Variants in PICK1 observed in about 807,000 individuals in gnomAD.
PICK1 encodes protein interacting with PRKCA 1.
PICK1 carries 23 observed loss-of-function variants against 48.9 expected under a neutral mutation model. That is an observed-to-expected ratio of 0.47 (90% CI 0.34 to 0.67). The LOEUF (loss-of-function observed/expected upper bound fraction) is 0.67, where lower values mean the gene tolerates loss of function less well. PICK1 is among the 30% of genes least tolerant of loss of function. The pLI, the probability that PICK1 is intolerant of heterozygous loss-of-function variation, is 0.01. For missense variants in PICK1, 423 were observed against 557.1 expected, an observed-to-expected ratio of 0.76 and a Z score of 2.42; for synonymous variants, 217 against 228.2, an observed-to-expected ratio of 0.95 and a Z score of 0.44.
chr22:38,073,236 G>T lies in PICK1; in HGVS notation c.783+144G>T. The T allele has an allele frequency of 1.4e-6, 1 of 710,674 alleles. No homozygotes were observed. Among genetic ancestry groups the T allele is most frequent in the Non-Finnish European group, 2.6e-6 (1 of 388,178 alleles). The allele number at this position is 710,674 out of a possible 1,614,324, so 44.0% of individuals were successfully genotyped here. A position where few individuals can be genotyped will look rare whatever the true frequency, so the allele number is the denominator to read the frequency against. ...AGGTGTGGGCCCAGAGGCCCAGGGA[G>T]GTGCAGCCAAAGCCCTGCTGCGCCT... On this transcript the variant is annotated intron_variant, in intron 10 of 12. Coordinates refer to ENST00000356976, the MANE Select transcript of PICK1 (RefSeq NM_012407.4). This position sits in a 1 kb window ranked among gnomAD's most constrained non-coding sequence, Gnocchi z 5.7.
chr22:38,066,850 T>C lies in PICK1; in HGVS notation c.283-854T>C, dbSNP rs2085536731. Among the ~76,000 whole-genome samples, 1 of 152,252 alleles carries C rather than the reference T, an allele frequency of 6.6e-6. No individual in the cohort carries two copies. Among genetic ancestry groups the C allele is most frequent in the South Asian group, 2.1e-4 (1 of 4,838 alleles). On this transcript the variant is annotated intron_variant, in intron 4 of 12. Coordinates refer to ENST00000356976, the MANE Select transcript of PICK1 (RefSeq NM_012407.4). This position sits in a 1 kb window ranked among gnomAD's most constrained non-coding sequence, Gnocchi z 4.1. Reference sequence around the variant, plus strand: ...CGCCCTCCCGTGCTCAGGCAAGTCCTCTTGGGAGAAGCCTTTGTCTCCTGA... The same window carrying C: ...CGCCCTCCCGTGCTCAGGCAAGTCCCCTTGGGAGAAGCCTTTGTCTCCTGA...
At chr22:38,071,294 A>G (rs745458094) in intron 7 of PICK1, among the ~76,000 whole-genome samples, 14 of 152,220 alleles carry the variant, frequency 9.2e-5, no homozygotes, top group Non-Finnish European at 2.1e-4. Context: ...CAGTGAGCCA[A>G]GATCACACCA....
At chr22:38,070,782 G>A (rs780232381) in intron 6 of PICK1, 56 bp from the exon 7 acceptor site, 21 of 1,502,090 alleles carry the variant, frequency 1.4e-5, no homozygotes, top group Non-Finnish European at 1.8e-5. Context: ...CATGGCCCTG[G>A]GCCTCCTGTG....
rs549796162 is a variant in PICK1 at position 38,075,367 on chromosome 22, C to G, written c.*235C>G. ...CACCCTCCCTCCCCTCCCGGCTCCC[C>G]GGCCAGAGGGAGAGCTTGGTCTCTG... On this transcript the variant is annotated 3_prime_UTR_variant, in exon 13 of 13. Coordinates refer to ENST00000356976, the MANE Select transcript of PICK1 (RefSeq NM_012407.4). 1 of 534,322 alleles carries G rather than the reference C, an allele frequency of 1.9e-6. No individual in the cohort carries two copies. Among genetic ancestry groups the G allele is most frequent in the African/African-American group, 1.9e-5 (1 of 52,564 alleles). The allele number at this position is 534,322 out of a possible 1,614,324, so 33.1% of individuals were successfully genotyped here. A position where few individuals can be genotyped will look rare whatever the true frequency, so the allele number is the denominator to read the frequency against.
chr22:38,074,002 C>T lies in PICK1; in HGVS notation c.834+179C>T, dbSNP rs767657271. On this transcript the variant is annotated intron_variant, in intron 11 of 12. Transcript: ENST00000356976. This position sits in a 1 kb window ranked among gnomAD's most constrained non-coding sequence, Gnocchi z 4.5. ...GGCCTCGGGGTGCTGGGCACCCGGC[C>T]GGGAACCACTCCCTCAGTCTGGGGG... 11 of 675,946 alleles carry T rather than the reference C, an allele frequency of 1.6e-5. No individual in the cohort carries two copies. The highest frequency in any genetic ancestry group is 2.6e-5 in the Non-Finnish European group (10 of 388,108). The allele number at this position is 675,946 out of a possible 1,614,324, so 41.9% of individuals were successfully genotyped here.
intron 3 of PICK1, among the ~76,000 whole-genome samples, chr22:38,063,446 T>C (rs1049387940): frequency 6.6e-6 from 1 of 152,104 alleles, no homozygotes; most frequent in Non-Finnish European, 1.5e-5. Flanking sequence ...TGGTCTATTT[T>C]TGAATTAGGT....
chr22:38,067,307 CTTTTT>C (rs33993578), intron 4 of PICK1, among the ~76,000 whole-genome samples: 1 of 110,676 alleles, frequency 9.0e-6, no homozygotes, highest in Non-Finnish European at 1.8e-5. Flanking sequence ...GCTTAGGATT[CTTTTT>C]TTTTTTTTTT....
At position 38,057,436 on chromosome 22, in the gene PICK1, G is replaced by C; in HGVS notation, c.-209G>C. Reference sequence around the variant, plus strand: ...GCGGCCACCGCCAGGTGGAACGGCAGGTGGGTTCAGGTACCAGCCTGGCCG... The same window carrying C: ...GCGGCCACCGCCAGGTGGAACGGCACGTGGGTTCAGGTACCAGCCTGGCCG... On this transcript the variant is annotated 5_prime_UTR_variant, in exon 1 of 13. Transcript: ENST00000356976. 3.7e-6 allele frequency: 1 copy of C among 273,508 alleles called. No individual in the cohort carries two copies. The highest frequency in any genetic ancestry group is 7.0e-6 in the Non-Finnish European group (1 of 142,344). 16.9% of individuals were successfully genotyped at this position (273,508 alleles called of 1,614,324 possible). A position where few individuals can be genotyped will look rare whatever the true frequency, so the allele number is the denominator to read the frequency against.
In PICK1 at chr22:38,064,864, C is replaced by G. The variant is rs554351221; in HGVS notation, c.154-138C>G. ...GTGATCACGCCACTGCACTCCAGCC[C>G]GGGTGGTGAGACGCTTTCTCAAAAA... On this transcript the variant is annotated intron_variant, in intron 3 of 12. Transcript: ENST00000356976. The G allele has an allele frequency of 1.0e-5, 10 of 964,236 alleles. No homozygotes were observed. The South Asian group carries it at 1.2e-4, about 11-fold the overall frequency. The allele number at this position is 964,236 out of a possible 1,614,324, so 59.7% of individuals were successfully genotyped here. A position where few individuals can be genotyped will look rare whatever the true frequency, so the allele number is the denominator to read the frequency against.
upstream of PICK1, chr22:38,057,331 T>C (rs2085292882): frequency 5.2e-6 from 1 of 190,524 alleles, no homozygotes; most frequent in African/African-American, 2.3e-5. Flanking sequence ...AAGGGAAGGA[T>C]TGTCTGCAGG....
rs2145884100 is a variant in PICK1, at chr22:38,073,768, C to T, written c.784-5C>T. 6.2e-7 allele frequency: 1 copy of T among 1,613,362 alleles called. No individual in the cohort carries two copies. Among genetic ancestry groups the T allele is most frequent in the South Asian group, 1.1e-5 (1 of 91,072 alleles). On this transcript the variant is annotated splice_polypyrimidine_tract_variant and splice_region_variant and intron_variant, in intron 10 of 12. Transcript: ENST00000356976. The surrounding 1 kb of genome is among the most constrained non-coding windows in gnomAD (Gnocchi z 5.7). ...CACTCTGACAGCCTCACCTGTCCCA[C>T]ACAGTCGTACTGCCTGAAGGTGAAG...
Position 38,074,534 on chromosome 22 carries a change from C to T in PICK1, c.979+83C>T. 1 of 1,540,694 alleles carries T rather than the reference C, an allele frequency of 6.5e-7. No individual in the cohort carries two copies. The highest frequency in any genetic ancestry group is 8.9e-7 in the Non-Finnish European group (1 of 1,128,870). ...CCAGAGGGGTACTCTCAGGGCCAGG[C>T]CACGGCCCAGATGTAAAGCCCCTCC... On this transcript the variant is annotated intron_variant, in intron 12 of 12. Transcript: ENST00000356976. This position sits in a 1 kb window ranked among gnomAD's most constrained non-coding sequence, Gnocchi z 4.5.
rs1176618042 is a variant in PICK1, at chr22:38,073,482, C to T, written c.784-291C>T. ...AAGCCAAGGTTCCTTTGCTGCAGGA[C>T]TTATCAGAGCCTTTGCTAGGCTGAT... On this transcript the variant is annotated intron_variant, in intron 10 of 12. Transcript: ENST00000356976. The surrounding 1 kb of genome is among the most constrained non-coding windows in gnomAD (Gnocchi z 5.7). Among the ~76,000 whole-genome samples, 1 of 152,244 alleles carries T rather than the reference C, an allele frequency of 6.6e-6. No homozygotes were observed. Among genetic ancestry groups the T allele is most frequent in the Non-Finnish European group, 1.5e-5 (1 of 68,048 alleles).
Position 38,059,881 on chromosome 22 carries a change from T to G in PICK1, c.153+536T>G, listed in dbSNP as rs555359550. 2.0e-5 allele frequency among the ~76,000 whole-genome samples: 3 copies of G among 152,320 alleles called. No individual in the cohort carries two copies. The South Asian group carries it at 6.2e-4, about 32-fold the overall frequency. On this transcript the variant is annotated intron_variant, in intron 3 of 12. Transcript: ENST00000356976. ...AGACACAATCATCTCTGGGTTCTTGTGAGAAGTCAACAAAACGACCTAACA... is the reference window on the plus strand; with the variant it reads ...AGACACAATCATCTCTGGGTTCTTGGGAGAAGTCAACAAAACGACCTAACA...
chr22:38,064,260 G>T (rs1289588430), intron 3 of PICK1, among the ~76,000 whole-genome samples: 1 of 152,048 alleles, frequency 6.6e-6, no homozygotes, highest in African/African-American at 2.4e-5. Context: ...GTTTCGCCAT[G>T]TTGGCCAGGT....
Position 38,074,383 on chromosome 22 carries a change from C to T in PICK1, c.911C>T (p.Ala304Val). The T allele has an allele frequency of 6.2e-7, 1 of 1,612,996 alleles. No individual in the cohort carries two copies. The highest frequency in any genetic ancestry group is 8.5e-7 in the Non-Finnish European group (1 of 1,179,946). Residue 304 changes from alanine (A) to valine (V), a missense_variant, in exon 12 of 13, where the codon GCG becomes GTG. Coordinates refer to ENST00000356976, the MANE Select transcript of PICK1 (RefSeq NM_012407.4). The surrounding 1 kb of genome is among the most constrained non-coding windows in gnomAD (Gnocchi z 4.5). Reference sequence around the variant, plus strand: ...CTGATCCTGCGCTGCCGCCAGGAGGCGCGCGCCCGCTTCTCCCAGATGCGC... The same window carrying T: ...CTGATCCTGCGCTGCCGCCAGGAGGTGCGCGCCCGCTTCTCCCAGATGCGC... ...YRLILRCRQE[A>V]RARFSQMRKD...
chr22:38,060,221 A>G (rs2085366944), intron 3 of PICK1, among the ~76,000 whole-genome samples: 2 of 152,186 alleles, frequency 1.3e-5, no homozygotes, highest in Admixed American at 1.3e-4. Context: ...CCCTGTTTCA[A>G]AAAAAAGAAA....
At chr22:38,059,644 A>T (rs561519434) in intron 3 of PICK1, among the ~76,000 whole-genome samples, 1 of 152,346 alleles carries the variant, frequency 6.6e-6, no homozygotes, top group Admixed American at 6.5e-5. Flanking sequence ...CACCAGGTAC[A>T]GTGCCTGGCA....
chr22:38,069,516 G>A (rs1434011205), intron 6 of PICK1, among the ~76,000 whole-genome samples: 1 of 152,212 alleles, frequency 6.6e-6, no homozygotes, highest in Admixed American at 6.5e-5. Context: ...CTGCGCAGGC[G>A]AGGGGGGAGG....
Sources: allele counts gnomAD v4.1 joint callset (sites outside exome capture counted in the v4.1 genomes callset), GRCh38; gene constraint gnomAD v4.1.1; non-coding constraint Gnocchi (gnomAD v3.1); transcripts MANE v1.5; gene names NCBI Gene and HGNC (gene_info 2026-07-23, HGNC 2026-07-21).